ARHGAP35: variants seen among roughly 807,000 people sequenced by gnomAD.
ARHGAP35 encodes the protein Rho GTPase activating protein 35, also known as rho GTPase-activating protein 35.
In ARHGAP35, 15 loss-of-function variants were observed where a neutral mutation model predicts 111.1. The observed-to-expected ratio is 0.13, with a 90% CI of 0.09 to 0.21. The LOEUF is 0.21. ARHGAP35 is among the 10% of genes least tolerant of loss of function. ARHGAP35 has a pLI of 1.00. For missense variants in ARHGAP35, 1,262 were observed against 1,873.0 expected, an observed-to-expected ratio of 0.67 and a Z score of 6.02; for synonymous variants, 643 against 710.3, an observed-to-expected ratio of 0.91 and a Z score of 1.51.
rs759394950 is a variant in ARHGAP35, at chr19:46,920,550, G to A, written c.1875G>A (p.Lys625=). The A allele has an allele frequency of 6.2e-6, 10 of 1,614,010 alleles. No individual in the cohort carries two copies. Among genetic ancestry groups the A allele is most frequent in the Non-Finnish European group, 5.1e-6 (6 of 1,179,866 alleles). The stretch of plus-strand genomic sequence containing the variant: ...GAGCTCTTTGTACAAATGATGACAA[G>A]TATGTGATAGATGGTAAAATGTATG... ...EIRALCTNDD[K]YVIDGKMYEL... is the part of the protein sequence containing the mutation. The change falls in exon 2 of 7, where the codon AAG becomes AAA. Residue 625 remains lysine, a synonymous_variant. Transcript: ENST00000672722. This position sits in a 1 kb window ranked among gnomAD's most constrained non-coding sequence, Gnocchi z 7.0.
chr19:46,932,689 C>T (rs2056279897), intron 2 of ARHGAP35, among the ~76,000 whole-genome samples: 1 of 152,120 alleles, frequency 6.6e-6, no homozygotes, highest in Non-Finnish European at 1.5e-5. Flanking sequence ...TTTTGTGACA[C>T]CCTAGAGAGC....
intron 1 of ARHGAP35, among the ~76,000 whole-genome samples, chr19:46,909,430 T>C (rs992531664): frequency 1.3e-5 from 2 of 152,316 alleles, no homozygotes; most frequent in South Asian, 2.1e-4. Flanking sequence ...GCACATTGAA[T>C]TTATAGAGAG....
intron 1 of ARHGAP35, among the ~76,000 whole-genome samples, chr19:46,871,540 G>T (rs969703598): frequency 5.3e-5 from 8 of 151,552 alleles, no homozygotes; most frequent in African/African-American, 1.7e-4. Flanking sequence ...ATGGGGTTTC[G>T]CCATGTTGGC....
intron 2 of ARHGAP35, among the ~76,000 whole-genome samples, chr19:46,928,777 C>T (rs1016245870): frequency 2.6e-5 from 4 of 152,160 alleles, no homozygotes; most frequent in Non-Finnish European, 4.4e-5. Flanking sequence ...ACAAAAAATA[C>T]AAAAATTAGC....
chr19:46,941,315 G>A (rs1388410142), intron 3 of ARHGAP35, among the ~76,000 whole-genome samples: 2 of 151,846 alleles, frequency 1.3e-5, no homozygotes, highest in Admixed American at 1.3e-4. Context: ...AACCTCCCTG[G>A]TAGTTCTTCT....
At chr19:46,895,935 T>C (rs539667461) in intron 1 of ARHGAP35, among the ~76,000 whole-genome samples, 6 of 151,968 alleles carry the variant, frequency 3.9e-5, no homozygotes, top group Non-Finnish European at 7.4e-5. Context: ...AAACCCCATC[T>C]CTACTAAAAA....
rs552960092 is a variant in ARHGAP35 at position 46,955,299 on chromosome 19, T to C, written c.3826+17891T>C. ...AAGTTCGTCTAGTTTGGAAAACTTT[T>C]AAATGGGCAGAGATGAACATAATCA... On this transcript the variant is annotated intron_variant, in intron 3 of 6. Transcript: ENST00000672722. Among the ~76,000 whole-genome samples, 8 of 152,318 alleles carry C rather than the reference T, an allele frequency of 5.3e-5. No individual in the cohort carries two copies. The East Asian group carries it at 9.6e-4, about 18-fold the overall frequency.
intron 2 of ARHGAP35, among the ~76,000 whole-genome samples, chr19:46,925,522 T>G (rs749473374): frequency 6.6e-6 from 1 of 152,168 alleles, no homozygotes; most frequent in Non-Finnish European, 1.5e-5. Flanking sequence ...ACTGAGTACC[T>G]CCTGCGTGCC....
At chr19:46,923,090 C>G (rs1221358806) in intron 2 of ARHGAP35, among the ~76,000 whole-genome samples, 1 of 147,858 alleles carries the variant, frequency 6.8e-6, no homozygotes, top group African/African-American at 2.5e-5. Flanking sequence ...GAGACAGGAG[C>G]AAATGAAGTC....
At chr19:46,861,727 C>G (rs1035485161) in intron 1 of ARHGAP35, among the ~76,000 whole-genome samples, 2 of 152,110 alleles carry the variant, frequency 1.3e-5, no homozygotes, top group Non-Finnish European at 2.9e-5. Context: ...CAGATCTGTC[C>G]TCGGCCCCTT....
chr19:46,867,787 G>T (rs1199730793), intron 1 of ARHGAP35, among the ~76,000 whole-genome samples: 1 of 150,532 alleles, frequency 6.6e-6, no homozygotes, highest in South Asian at 2.1e-4. Flanking sequence ...TTTTTTTTTT[G>T]GAGATGTTTG....
intron 1 of ARHGAP35, among the ~76,000 whole-genome samples, chr19:46,914,249 C>G (rs2056152866): frequency 6.6e-6 from 1 of 152,242 alleles, no homozygotes; most frequent in South Asian, 2.1e-4. Context: ...TAACCACTTC[C>G]ATGCCAGCTG....
Position 47,000,392 on chromosome 19 carries a change from C to T in ARHGAP35, c.4204C>T (p.Pro1402Ser). The T allele has an allele frequency of 6.2e-7, 1 of 1,613,892 alleles. No homozygotes were observed. Among genetic ancestry groups the T allele is most frequent in the Non-Finnish European group, 8.5e-7 (1 of 1,179,864 alleles). Residue 1402 changes from proline to serine, a missense_variant, in exon 7 of 7, where the codon CCC (proline) becomes TCC (serine). By Grantham distance (74) the Pro-to-Ser change is moderately conservative. Coordinates refer to ENST00000672722, the MANE Select transcript of ARHGAP35 (RefSeq NM_004491.5). This position sits in a 1 kb window ranked among gnomAD's most constrained non-coding sequence, Gnocchi z 6.9. Reference protein sequence around the residue: ...TSENLSICFWPTLMRPDFSTM... With the variant: ...TSENLSICFWSTLMRPDFSTM... ...CGAGAACCTCTCCATCTGCTTCTGG[C>T]CCACCTTGATGAGACCTGATTTCAG...
At position 46,989,696 on chromosome 19, in the gene ARHGAP35, G is replaced by A. The variant is rs1158776392; in HGVS notation, c.4036+21G>A. ...ACACAGTGAGTACCGGCAGCCCAGT[G>A]TTGGGCGGATTGAGGGAGAAAGGGC... On this transcript the variant is annotated intron_variant, in intron 5 of 6. Coordinates refer to ENST00000672722, the MANE Select transcript of ARHGAP35 (RefSeq NM_004491.5). The surrounding 1 kb of genome is among the most constrained non-coding windows in gnomAD (Gnocchi z 5.3). 1 of 1,613,454 alleles carries A rather than the reference G, an allele frequency of 6.2e-7. No individual in the cohort carries two copies. The highest frequency in any genetic ancestry group is 8.5e-7 in the Non-Finnish European group (1 of 1,179,658).
At chr19:46,957,522 A>C (rs1237390532) in intron 3 of ARHGAP35, among the ~76,000 whole-genome samples, 1 of 152,194 alleles carries the variant, frequency 6.6e-6, no homozygotes, top group Non-Finnish European at 1.5e-5. Flanking sequence ...CTAAGGTAGG[A>C]AGATCACTTG....
At chr19:46,974,583 C>T (rs896026655) in intron 3 of ARHGAP35, among the ~76,000 whole-genome samples, 1 of 152,198 alleles carries the variant, frequency 6.6e-6, no homozygotes. Context: ...TGGATACACA[C>T]TCTCCCAGCA....
At chr19:46,872,962 A>T (rs1355947693) in intron 1 of ARHGAP35, among the ~76,000 whole-genome samples, 4 of 152,122 alleles carry the variant, frequency 2.6e-5, no homozygotes, top group African/African-American at 4.8e-5. Flanking sequence ...AGACTAAAAA[A>T]TGTTATCTCA....
At chr19:46,928,230 A>T (rs2056249770) in intron 2 of ARHGAP35, among the ~76,000 whole-genome samples, 3 of 151,282 alleles carry the variant, frequency 2.0e-5, no homozygotes, top group Admixed American at 6.6e-5. Flanking sequence ...ACCTGTTCTT[A>T]AAAAAAAATT....
intron 1 of ARHGAP35, among the ~76,000 whole-genome samples, chr19:46,906,629 T>C (rs1022274080): frequency 1.3e-5 from 2 of 152,240 alleles, no homozygotes; most frequent in African/African-American, 2.4e-5. Context: ...ACTTTGTATT[T>C]AGTATTTTCC....
Sources: gnomAD v4.1 joint callset for allele counts (sites outside exome capture counted in the v4.1 genomes callset) on GRCh38, gnomAD v4.1.1 for gene constraint, Gnocchi (gnomAD v3.1) non-coding constraint, MANE v1.5 for transcripts, NCBI Gene and HGNC (gene_info 2026-07-23, HGNC 2026-07-21) for gene names.